Variants in STAB1 observed in about 807,000 individuals in gnomAD.
STAB1 encodes stabilin-1.
STAB1 carries 250 observed loss-of-function variants against 332.4 expected under a neutral mutation model. That is an observed-to-expected ratio of 0.75 (90% CI 0.68 to 0.84). STAB1 has a LOEUF of 0.84. Among genes scored for constraint, STAB1 ranks in the 40% least tolerant of loss-of-function variants. The pLI is 0.00. For synonymous variants in STAB1, 1,475 were observed against 1,390.4 expected (o/e 1.06, Z -1.35); for missense variants, 3,249 against 3,489.7 (o/e 0.93, Z 1.74).
At chr3:52,518,232 C>A in intron 45 of STAB1, 80 bp from the exon 46 acceptor site, 1 of 1,596,028 alleles carries the variant, frequency 6.3e-7, no homozygotes, top group Admixed American at 1.7e-5. Context: ...TTGGCTAGAC[C>A]TTGGGCCGCA....
intron 37 of STAB1, 122 bp downstream of exon 37, chr3:52,515,628 G>A: frequency 9.7e-7 from 1 of 1,031,242 alleles, no homozygotes; most frequent in Non-Finnish European, 1.5e-6. Flanking sequence ...CTAGGGTGAG[G>A]CCAGAACCCA....
At position 52,518,809 on chromosome 3, in the gene STAB1, G is replaced by A. The variant is rs1304799762; in HGVS notation, c.4974G>A (p.Leu1658=). The change falls in exon 48 of 69, where the codon CTG becomes CTA. Residue 1658 remains leucine (L), a synonymous_variant. Coordinates refer to ENST00000321725, the MANE Select transcript of STAB1 (RefSeq NM_015136.3). The part of the protein sequence containing the change: ...VGCRRLRSED[L]LEQGYATALS... ...GTCGGCGGCTGCGGAGCGAGGACCT[G>A]CTGGAGCAGGGGTACGCCACGGCCC... The A allele has an allele frequency of 6.2e-7, 1 of 1,611,246 alleles. No individual in the cohort carries two copies. The highest frequency in any genetic ancestry group is 8.5e-7 in the Non-Finnish European group (1 of 1,179,678).
In STAB1 at chr3:52,504,879, G is replaced by A. The variant is rs376001073; in HGVS notation, c.1377+3G>A. 6.2e-6 allele frequency: 10 copies of A among 1,613,696 alleles called. No homozygotes were observed. Among genetic ancestry groups the A allele is most frequent in the Non-Finnish European group, 8.5e-6 (10 of 1,180,018 alleles). ...CCGTCACCTTTAACCAATTCACGGTGAGGGAGGAGCCTCAGCCTGGGGACA... is the reference window on the plus strand; with the variant it reads ...CCGTCACCTTTAACCAATTCACGGTAAGGGAGGAGCCTCAGCCTGGGGACA... On this transcript the variant is annotated splice_donor_region_variant and intron_variant, in intron 12 of 68. Transcript: ENST00000321725.
chr3:52,524,045 G>A lies in STAB1; in HGVS notation c.7542+28G>A, dbSNP rs370077813. On this transcript the variant is annotated intron_variant, in intron 67 of 68. Transcript: ENST00000321725. ...AGGGCTGGGTTGGGGCTGCCATGGC[G>A]GGTCCTTGGATCTCGCTTGAGGCGC... The A allele has an allele frequency of 1.3e-5, 21 of 1,612,046 alleles. 1 individual carries two copies. The highest frequency in any genetic ancestry group is 8.3e-5 in the Admixed American group (5 of 60,024).
chr3:52,506,148 G>A, intron 16 of STAB1, 22 bp from the exon 17 acceptor site: 1 of 1,605,332 alleles, frequency 6.2e-7, no homozygotes, highest in Non-Finnish European at 8.5e-7. Context: ...CCAGCCTAAA[G>A]CCACACTGTC....
chr3:52,504,605 G>T, intron 11 of STAB1, 56 bp downstream of exon 11: 1 of 1,611,432 alleles, frequency 6.2e-7, no homozygotes, highest in African/African-American at 1.3e-5. Flanking sequence ...TCCCCTGGAT[G>T]CATCCCCAGT....
intron 1 of STAB1, 80 bp downstream of exon 1, chr3:52,495,571 G>A: frequency 8.3e-7 from 1 of 1,202,236 alleles, no homozygotes; most frequent in Non-Finnish European, 1.1e-6. Flanking sequence ...GACTGACATG[G>A]AGGGGCAGGG....
intron 42 of STAB1, 92 bp from the exon 43 acceptor site, chr3:52,517,228 G>C (rs906037417): frequency 6.8e-7 from 1 of 1,476,024 alleles, no homozygotes; most frequent in Non-Finnish European, 9.1e-7. Flanking sequence ...GGGGCGCTGA[G>C]AGAGGAGGGG....
In STAB1 at chr3:52,506,868, G is replaced by A; in HGVS notation, c.1989+18G>A. 1.2e-6 allele frequency: 2 copies of A among 1,611,486 alleles called. No homozygotes were observed. The highest frequency in any genetic ancestry group is 8.5e-7 in the Non-Finnish European group (1 of 1,179,122). ...TTGTGGCGGTGAGCCTCGCCTGCAC[G>A]GCCAGGGCCCTACTCACTAACCCCT... On this transcript the variant is annotated intron_variant, in intron 18 of 68. Transcript: ENST00000321725.
In STAB1 at chr3:52,510,487, AGCTATGTGGG is replaced by A; in HGVS notation, c.2768_2777del (p.Ser923ThrfsTer109). 1 of 1,613,438 alleles carries A rather than the reference AGCTATGTGGG, an allele frequency of 6.2e-7. No individual in the cohort carries two copies. The highest frequency in any genetic ancestry group is 8.5e-7 in the Non-Finnish European group (1 of 1,179,882). ...TGGCTGCCACACCGATGCCCTCTGC[AGCTATGTGGG>A]CCCCGGGCAGGTGAGGTGCAGCAGA... On this transcript the variant is annotated frameshift_variant, in exon 25 of 69. Coordinates refer to ENST00000321725, the MANE Select transcript of STAB1 (RefSeq NM_015136.3). LOFTEE classifies it high-confidence loss of function.
In STAB1 at chr3:52,517,384, C is replaced by T; in HGVS notation, c.4554C>T (p.Gly1518=). 1 of 1,603,500 alleles carries T rather than the reference C, an allele frequency of 6.2e-7. No homozygotes were observed. The highest frequency in any genetic ancestry group is 8.5e-7 in the Non-Finnish European group (1 of 1,175,464). Residue 1518 remains glycine, a synonymous_variant, in exon 43 of 69, where the codon GGC becomes GGT. Transcript: ENST00000321725. The part of the protein sequence containing the change: ...CHIHAECIPT[G]PQQVSCSCRE... ...TTCACGCCGAGTGCATCCCCACTGG[C>T]CCCCAGCAGGTCAGCATGGCAGGGT... is the stretch of plus-strand genomic sequence containing the variant.
chr3:52,506,335 C>A lies in STAB1; in HGVS notation c.1830+85C>A, dbSNP rs1290294289. The A allele has an allele frequency of 4.7e-6, 6 of 1,272,936 alleles. No individual in the cohort carries two copies. The African/African-American group carries it at 5.9e-5, about 13-fold the overall frequency. The allele number at this position is 1,272,936 out of a possible 1,614,324, so 78.9% of individuals were successfully genotyped here. ...GCCTCTCAGCCTTGTGTGCTCCGAG[C>A]CCCGTGGTGGGCAGGACACTGCTAG... On this transcript the variant is annotated intron_variant, in intron 17 of 68. Transcript: ENST00000321725.
intron 29 of STAB1, 82 bp from the exon 30 acceptor site, chr3:52,513,048 C>T: frequency 6.4e-7 from 1 of 1,559,048 alleles, no homozygotes; most frequent in Non-Finnish European, 8.7e-7. Flanking sequence ...GGCACTCACC[C>T]CTTGGGGTGG....
intron 3 of STAB1, 55 bp from the exon 4 acceptor site, chr3:52,501,951 G>T: frequency 6.2e-7 from 1 of 1,601,810 alleles, no homozygotes. Context: ...AGCTGCTGGG[G>T]TCAGGGTAAG....
chr3:52,510,081 C>T (rs1234343193), intron 23 of STAB1, 25 bp downstream of exon 23: 1 of 1,612,914 alleles, frequency 6.2e-7, no homozygotes, highest in East Asian at 2.2e-5. Flanking sequence ...CTTCTGTCTG[C>T]CCCACCCGTG....
At chr3:52,503,238 C>T in intron 7 of STAB1, 106 bp from the exon 8 acceptor site, 2 of 1,503,868 alleles carry the variant, frequency 1.3e-6, no homozygotes, top group Non-Finnish European at 1.8e-6. Flanking sequence ...AGCCTATCCT[C>T]AAGGCCTAGG....
Position 52,503,354 on chromosome 3 carries a change from C to T in STAB1, c.705C>T (p.Pro235=). Reference sequence around the variant, plus strand: ...TCTCTGCCCTGGCAGCCCCCAACCCCTGCTGGCCATCACCCTGCTCACTGC... The same window carrying T: ...TCTCTGCCCTGGCAGCCCCCAACCCTTGCTGGCCATCACCCTGCTCACTGC... ...QQGSECRAPN[P]CWPSPCSLLA... is the part of the protein sequence containing the mutation. The change falls in exon 8 of 69, where the codon CCC becomes CCT. Residue 235 remains proline, a synonymous_variant. Coordinates refer to ENST00000321725, the MANE Select transcript of STAB1 (RefSeq NM_015136.3). 1 of 1,610,648 alleles carries T rather than the reference C, an allele frequency of 6.2e-7. No homozygotes were observed. The highest frequency in any genetic ancestry group is 8.5e-7 in the Non-Finnish European group (1 of 1,178,122).
Position 52,521,648 on chromosome 3 carries a change from C to T in STAB1, c.6111C>T (p.Gly2037=), listed in dbSNP as rs2079075933. ...GRCDEGLGGS[G]SCFCDEGWTG... is the part of the protein sequence containing the mutation. Reference sequence around the variant, plus strand: ...GTGATGAGGGCCTTGGGGGCTCTGGCTCCTGCTTCTGTGATGAAGGCTGGA... The same window carrying T: ...GTGATGAGGGCCTTGGGGGCTCTGGTTCCTGCTTCTGTGATGAAGGCTGGA... The change falls in exon 57 of 69, where the codon GGC becomes GGT. Residue 2037 remains glycine (G), a synonymous_variant. Transcript: ENST00000321725. The T allele has an allele frequency of 6.8e-6, 11 of 1,613,048 alleles. No individual in the cohort carries two copies. Among genetic ancestry groups the T allele is most frequent in the South Asian group, 2.2e-5 (2 of 91,044 alleles).
chr3:52,499,294 C>T (rs1053128774), intron 1 of STAB1, among the ~76,000 whole-genome samples: 3 of 152,230 alleles, frequency 2.0e-5, no homozygotes, highest in African/African-American at 4.8e-5. Context: ...ACTTTGTTGC[C>T]GTAGAAGGCT....
Sources: allele counts gnomAD v4.1 joint callset (sites outside exome capture counted in the v4.1 genomes callset), GRCh38; gene constraint gnomAD v4.1.1; transcripts MANE v1.5; gene names NCBI Gene and HGNC (gene_info 2026-07-23, HGNC 2026-07-21).